Variants in SLC37A1 observed in about 807,000 individuals in gnomAD.
The protein encoded by SLC37A1 is solute carrier family 37 member 1.
In SLC37A1, 49 loss-of-function variants were observed where a neutral mutation model predicts 75.3. The ratio of observed to expected loss-of-function variants is 0.65; its 90% CI spans 0.52 to 0.83. The LOEUF (loss-of-function observed/expected upper bound fraction) is 0.83, where lower values mean the gene tolerates loss of function less well. Among genes scored for constraint, SLC37A1 ranks in the 40% least tolerant of loss-of-function variants. SLC37A1 has a pLI of 0.00. For synonymous variants in SLC37A1, 268 were observed against 292.1 expected (o/e 0.92, Z 0.84); for missense variants, 566 against 695.0 (o/e 0.81, Z 2.09).
At chr21:42,528,248 A>G (rs1188188891) in intron 3 of SLC37A1, among the ~76,000 whole-genome samples, 1 of 152,158 alleles carries the variant, frequency 6.6e-6, no homozygotes, top group African/African-American at 2.4e-5. Context: ...CTGGGAGGAT[A>G]GTGGTGTTAT....
intron 10 of SLC37A1, among the ~76,000 whole-genome samples, chr21:42,557,795 TTA>T (rs2055729570): frequency 2.7e-5 from 4 of 150,146 alleles, no homozygotes; most frequent in Admixed American, 2.6e-4. Context: ...TTTTTTTTTT[TTA>T]ATTAAACTAC....
chr21:42,573,302 C>T (rs1056833806), intron 17 of SLC37A1, among the ~76,000 whole-genome samples: 3 of 150,480 alleles, frequency 2.0e-5, no homozygotes, highest in South Asian at 2.1e-4. Context: ...CTCTTGCTGA[C>T]CCCCTTCCGT....
intron 17 of SLC37A1, among the ~76,000 whole-genome samples, chr21:42,571,700 C>T (rs2056171714): frequency 1.3e-5 from 2 of 151,906 alleles, no homozygotes; most frequent in Admixed American, 1.3e-4. Context: ...TCCTCCTCCT[C>T]AGTTATACCA....
chr21:42,555,201 T>C (rs1030105723), intron 10 of SLC37A1, among the ~76,000 whole-genome samples: 4 of 152,056 alleles, frequency 2.6e-5, no homozygotes, highest in African/African-American at 9.7e-5. Flanking sequence ...TTGGCCAGGC[T>C]AGTCTTGAAC....
upstream of SLC37A1, among the ~76,000 whole-genome samples, chr21:42,511,550 C>T (rs2054432791): frequency 6.6e-6 from 1 of 152,186 alleles, no homozygotes; most frequent in Non-Finnish European, 1.5e-5. Flanking sequence ...CTTTGGGAGG[C>T]TAAGGCAGGA....
At chr21:42,549,068 C>T (rs1254854325) in intron 9 of SLC37A1, among the ~76,000 whole-genome samples, 2 of 152,134 alleles carry the variant, frequency 1.3e-5, no homozygotes, top group Admixed American at 6.5e-5. Flanking sequence ...TTTAAAAAGC[C>T]GTGTTCCTGC....
At chr21:42,578,316 G>C (rs1170658698) in intron 18 of SLC37A1, among the ~76,000 whole-genome samples, 2 of 152,190 alleles carry the variant, frequency 1.3e-5, no homozygotes, top group Non-Finnish European at 2.9e-5. Context: ...TCTTGCATGC[G>C]TGAGCCAAAC....
At chr21:42,575,893 T>C in intron 18 of SLC37A1, 1 of 985,398 alleles carries the variant, frequency 1.0e-6, no homozygotes. Context: ...CTGAATGTTC[T>C]AATGAAGCCT....
intron 2 of SLC37A1, among the ~76,000 whole-genome samples, chr21:42,504,867 C>T (rs770909771): frequency 6.6e-6 from 1 of 152,190 alleles, no homozygotes; most frequent in Admixed American, 6.5e-5. Context: ...CACTTGCTAC[C>T]GGTTTACTAA....
chr21:42,577,958 A>T (rs2056342183), intron 18 of SLC37A1, among the ~76,000 whole-genome samples: 1 of 152,268 alleles, frequency 6.6e-6, no homozygotes. Flanking sequence ...GGCTTGTCGC[A>T]GTGGAGAAGG....
rs1569009919 is a variant in SLC37A1, at chr21:42,542,401, C to A, written c.487-3C>A. On this transcript the variant is annotated splice_region_variant and splice_polypyrimidine_tract_variant and intron_variant, in intron 6 of 19. Transcript: ENST00000352133. ...TCAGTCTCTCCTTTGGCCTCTCCTG[C>A]AGGTCATCAACGGGCTGGTGCAGAC... is the stretch of plus-strand genomic sequence containing the variant. 1 of 1,613,678 alleles carries A rather than the reference C, an allele frequency of 6.2e-7. No homozygotes were observed. Among genetic ancestry groups the A allele is most frequent in the Non-Finnish European group, 8.5e-7 (1 of 1,179,776 alleles).
intron 9 of SLC37A1, among the ~76,000 whole-genome samples, chr21:42,553,714 G>C (rs535730681): frequency 6.6e-6 from 1 of 152,148 alleles, no homozygotes; most frequent in South Asian, 2.1e-4. Flanking sequence ...AGGGAGGGCA[G>C]GTGTTCCTCA....
Position 42,563,795 on chromosome 21 carries a change from C to A in SLC37A1, c.1073-20C>A. The stretch of plus-strand genomic sequence containing the variant: ...TGAAGGAGATCCTCACTGTTTCACA[C>A]TCCGTTGTCATTTCAATAGATCACC... On this transcript the variant is annotated intron_variant, in intron 12 of 19. Transcript: ENST00000352133. The A allele has an allele frequency of 6.2e-7, 1 of 1,613,752 alleles. No homozygotes were observed. Among genetic ancestry groups the A allele is most frequent in the African/African-American group, 1.3e-5 (1 of 75,050 alleles).
At chr21:42,566,611 G>A (rs749536131) in intron 15 of SLC37A1, among the ~76,000 whole-genome samples, 16 of 152,290 alleles carry the variant, frequency 1.1e-4, no homozygotes, top group South Asian at 8.3e-4. Flanking sequence ...ACCTGAGTGT[G>A]AGCCTAGAGG....
chr21:42,557,218 G>A (rs78491893), intron 10 of SLC37A1, among the ~76,000 whole-genome samples: 21,693 of 152,182 alleles, frequency 0.14, 2,211 homozygotes, highest in African/African-American at 0.28. Context: ...TGTTTCCTGC[G>A]GAACGGCCTG....
At position 42,543,347 on chromosome 21, in the gene SLC37A1, T is replaced by C; in HGVS notation, c.564-89T>C. 5 of 1,494,870 alleles carry C rather than the reference T, an allele frequency of 3.3e-6. No individual in the cohort carries two copies. The South Asian group carries it at 5.7e-5, about 17-fold the overall frequency. 92.6% of individuals were successfully genotyped at this position (1,494,870 alleles called of 1,614,324 possible). A position where few individuals can be genotyped will look rare whatever the true frequency, so the allele number is the denominator to read the frequency against. ...CCCCGTTGATTCTGCGCCGACTCCC[T>C]ACTTTGCAGGCACTGCTGCGCCCTG... On this transcript the variant is annotated intron_variant, in intron 7 of 19. Transcript: ENST00000352133.
In SLC37A1 at chr21:42,568,471, G is replaced by A. The variant is rs752970283; in HGVS notation, c.1423+33G>A. 3 of 1,595,080 alleles carry A rather than the reference G, an allele frequency of 1.9e-6. No individual in the cohort carries two copies. In the African/African-American group the frequency reaches 4.0e-5, roughly 21 times the overall value. On this transcript the variant is annotated intron_variant, in intron 17 of 19. Transcript: ENST00000352133. Reference sequence around the variant, plus strand: ...GAGAGTTTTAGCTCTGGGAGGTTTGGTGTCTTAGGGGAAATCACATTGTCA... The same window carrying A: ...GAGAGTTTTAGCTCTGGGAGGTTTGATGTCTTAGGGGAAATCACATTGTCA...
intron 17 of SLC37A1, among the ~76,000 whole-genome samples, chr21:42,572,448 CT>C (rs1210473982): frequency 6.6e-6 from 1 of 151,676 alleles, no homozygotes; most frequent in Non-Finnish European, 1.5e-5. Context: ...TGGATTAATC[CT>C]TCAACTTTCC....
intron 1 of SLC37A1, among the ~76,000 whole-genome samples, chr21:42,500,616 T>C (rs1419099108): frequency 6.6e-6 from 1 of 152,262 alleles, no homozygotes; most frequent in African/African-American, 2.4e-5. Context: ...AAGTTTATCT[T>C]AATCGTTTTC....
Sources: gnomAD v4.1 joint callset for allele counts (sites outside exome capture counted in the v4.1 genomes callset) on GRCh38, gnomAD v4.1.1 for gene constraint, MANE v1.5 for transcripts, NCBI Gene and HGNC (gene_info 2026-07-23, HGNC 2026-07-21) for gene names.